GSE1: variants seen among roughly 807,000 people sequenced by gnomAD.
GSE1 encodes genetic suppressor element 1.
A neutral mutation model predicts 112.6 loss-of-function variants in GSE1; 32 were observed. That is an observed-to-expected ratio of 0.28 (90% confidence interval 0.21 to 0.38). The LOEUF (loss-of-function observed/expected upper bound fraction) is 0.38, where lower values mean the gene tolerates loss of function less well. Among genes scored for constraint, GSE1 ranks in the 10% least tolerant of loss-of-function variants. The probability of loss-of-function intolerance (pLI) is 1.00; values close to 1 mark genes in which losing one functional copy is unlikely to be tolerated. For missense variants in GSE1, 2,348 were observed against 1,699.2 expected (o/e 1.38, Z -6.71); for synonymous variants, 1,115 against 735.6 (o/e 1.52, Z -8.35).
chr16:85,326,194 A>G (rs560941795), intron 1 of GSE1, among the ~76,000 whole-genome samples: 1 of 152,130 alleles, frequency 6.6e-6, no homozygotes, highest in Admixed American at 6.5e-5. Context: ...ATATGGGCTC[A>G]TCACAACCAC....
At chr16:85,379,430 C>G (rs1488733546) in intron 2 of GSE1, among the ~76,000 whole-genome samples, 2 of 152,204 alleles carry the variant, frequency 1.3e-5, no homozygotes, top group African/African-American at 4.8e-5. Context: ...TGGTCTTCCC[C>G]TCCTCTTCTC....
chr16:85,291,678 C>A (rs1052386035), intron 1 of GSE1, among the ~76,000 whole-genome samples: 1 of 152,290 alleles, frequency 6.6e-6, no homozygotes, highest in South Asian at 2.1e-4. Context: ...GGGCCCCTGA[C>A]CCCGGGGAGA....
chr16:85,214,201 C>T (rs1388024036), intron 1 of GSE1, among the ~76,000 whole-genome samples: 2 of 152,180 alleles, frequency 1.3e-5, no homozygotes, highest in Admixed American at 6.5e-5. Context: ...AGAGCAGCTC[C>T]GGAGGCACCA....
Position 85,413,101 on chromosome 16 carries a change from G to A in GSE1, c.2464+55458G>A, listed in dbSNP as rs773468041. Reference sequence around the variant, plus strand: ...CTGCTGCTCTGCTTGTCTCTTGGCTGTTTCCAGGCCGAGCGCCCTTTTCCA... The same window carrying A: ...CTGCTGCTCTGCTTGTCTCTTGGCTATTTCCAGGCCGAGCGCCCTTTTCCA... On this transcript the variant is annotated intron_variant, in intron 2 of 2. Transcript: ENST00000637419. Among the ~76,000 whole-genome samples, 7 of 152,194 alleles carry A rather than the reference G, an allele frequency of 4.6e-5. No homozygotes were observed. The South Asian group carries it at 1.4e-3, about 31-fold the overall frequency.
At chr16:85,250,150 G>C (rs574144404) in intron 1 of GSE1, among the ~76,000 whole-genome samples, 9 of 152,146 alleles carry the variant, frequency 5.9e-5, no homozygotes, top group Non-Finnish European at 1.2e-4. Flanking sequence ...AGGCCAGGCC[G>C]AGCCCTTGGC....
intron 1 of GSE1, among the ~76,000 whole-genome samples, chr16:85,306,651 C>T (rs961141049): frequency 1.6e-4 from 25 of 152,238 alleles, no homozygotes; most frequent in African/African-American, 5.8e-4. Flanking sequence ...TGGGTTCAAG[C>T]GATCCTCCCA....
At chr16:85,170,813 C>T (rs534248048) in exon 1 of GSE1, 2 of 985,456 alleles carry the variant, frequency 2.0e-6, no homozygotes, top group African/African-American at 1.7e-5. Flanking sequence ...TCCTCCCTCA[C>T]GCAGCAGTGG....
At position 85,673,974 on chromosome 16, in the gene GSE1, G is replaced by A. The variant is rs776384696; in HGVS notation, c.*1435G>A. ...TTTGAACTTACTGTGACAAGCACAGGAACGGTCAGAAACTGGGCTCATCAC... is the reference window on the plus strand; with the variant it reads ...TTTGAACTTACTGTGACAAGCACAGAAACGGTCAGAAACTGGGCTCATCAC... On this transcript the variant is annotated 3_prime_UTR_variant, in exon 16 of 16. Transcript: ENST00000253458. 2.0e-5 allele frequency: 3 copies of A among 152,266 alleles called. No homozygotes were observed. The highest frequency in any genetic ancestry group is 2.1e-4 in the South Asian group (1 of 4,836). 9.4% of individuals were successfully genotyped at this position (152,266 alleles called of 1,614,324 possible).
At chr16:85,184,580 T>A (rs2074661846) in intron 1 of GSE1, among the ~76,000 whole-genome samples, 1 of 152,240 alleles carries the variant, frequency 6.6e-6, no homozygotes, top group South Asian at 2.1e-4. Flanking sequence ...CCTACTTTAA[T>A]AGAGGCAATT....
At chr16:85,303,305 C>T (rs760875862) in intron 1 of GSE1, among the ~76,000 whole-genome samples, 1 of 152,238 alleles carries the variant, frequency 6.6e-6, no homozygotes, top group Non-Finnish European at 1.5e-5. Context: ...CCCAGTCATG[C>T]TGAGGTCAGG....
intron 2 of GSE1, among the ~76,000 whole-genome samples, chr16:85,643,192 C>A (rs58808946): frequency 4.6e-5 from 7 of 152,300 alleles, no homozygotes; most frequent in Non-Finnish European, 8.8e-5. Context: ...GACGCGGACA[C>A]GGGCTGCCTC....
intron 1 of GSE1, among the ~76,000 whole-genome samples, chr16:85,251,007 T>A (rs912598952): frequency 1.3e-5 from 2 of 152,256 alleles, no homozygotes; most frequent in Non-Finnish European, 2.9e-5. Context: ...TTCCTTTTCA[T>A]AGCTGAGTAA....
rs976815110 is a variant in GSE1 at position 85,220,161 on chromosome 16, C to A, written c.2283+48354C>A. ...CACGGGGAAATCCCAAAACATTTTC[C>A]CCTCTGGGCCAGAAGCAGCTCGGCG... is the stretch of plus-strand genomic sequence containing the variant. On this transcript the variant is annotated intron_variant, in intron 1 of 2. Coordinates refer to the GSE1 transcript ENST00000637419. 3.3e-5 allele frequency among the ~76,000 whole-genome samples: 5 copies of A among 152,366 alleles called. No individual in the cohort carries two copies. In the East Asian group the frequency reaches 9.7e-4, roughly 29 times the overall value.
chr16:85,672,674 C>T lies in GSE1; in HGVS notation c.*135C>T. The T allele has an allele frequency of 3.6e-6, 2 of 551,116 alleles. No individual in the cohort carries two copies. The highest frequency in any genetic ancestry group is 7.4e-5 in the Admixed American group (2 of 27,130). The allele number at this position is 551,116 out of a possible 1,614,324, so 34.1% of individuals were successfully genotyped here. On this transcript the variant is annotated 3_prime_UTR_variant, in exon 16 of 16. Transcript: ENST00000253458. ...TGTGCCATGCATGAAGCAAAGGATT[C>T]CAGGCTCCAGAAAAAATGAATGAAC... is the stretch of plus-strand genomic sequence containing the variant.
At chr16:85,614,879 C>CA in intron 1 of GSE1, among the ~76,000 whole-genome samples, 1 of 152,274 alleles carries the variant, frequency 6.6e-6, no homozygotes, top group South Asian at 2.1e-4. Flanking sequence ...GGCGCCTGAA[C>CA]AAAAGGCCCA....
intron 2 of GSE1, among the ~76,000 whole-genome samples, chr16:85,493,433 C>T (rs886274894): frequency 1.3e-5 from 2 of 151,970 alleles, no homozygotes; most frequent in Non-Finnish European, 2.9e-5. Context: ...CCAACAGAGG[C>T]AAACCCCATC....
rs549643885 is a variant in GSE1 at position 85,636,131 on chromosome 16, G to A, written c.226+1999G>A. Reference sequence around the variant, plus strand: ...CTCGTGGCCCTGCTCCCTCCCAGCTGCAACCTGGGCACTGGGAAGGGTCCC... The same window carrying A: ...CTCGTGGCCCTGCTCCCTCCCAGCTACAACCTGGGCACTGGGAAGGGTCCC... On this transcript the variant is annotated intron_variant, in intron 2 of 15. Coordinates refer to ENST00000253458, the MANE Select transcript of GSE1 (RefSeq NM_014615.5). 2.7e-3 allele frequency among the ~76,000 whole-genome samples: 404 copies of A among 152,366 alleles called. 2 individuals carry two copies. The highest frequency in any genetic ancestry group is 9.2e-3 in the African/African-American group (382 of 41,584).
intron 1 of GSE1, among the ~76,000 whole-genome samples, chr16:85,184,866 G>A (rs561857046): frequency 6.6e-6 from 1 of 152,252 alleles, no homozygotes; most frequent in East Asian, 1.9e-4. Flanking sequence ...CTTGAAGAAG[G>A]GACCACAAGC....
chr16:85,336,673 C>A (rs1406027090), intron 1 of GSE1, among the ~76,000 whole-genome samples: 2 of 151,610 alleles, frequency 1.3e-5, no homozygotes, highest in Non-Finnish European at 2.9e-5. Context: ...GTGATCTTTG[C>A]TCACTGCACC....
Sources: allele counts gnomAD v4.1 joint callset (sites outside exome capture counted in the v4.1 genomes callset), GRCh38; gene constraint gnomAD v4.1.1; transcripts MANE v1.5; gene names NCBI Gene and HGNC (gene_info 2026-07-23, HGNC 2026-07-21).